GYS2: variants seen among roughly 807,000 people sequenced by gnomAD.
GYS2 encodes glycogen synthase 2.
GYS2 carries 80 observed loss-of-function variants against 85.6 expected under a neutral mutation model. The observed-to-expected ratio is 0.93, with a 90% CI of 0.78 to 1.13. GYS2 has a LOEUF of 1.13. Ranked by LOEUF, GYS2 falls within the 50% of genes most tolerant of loss-of-function variation. The pLI is 0.00. For synonymous variants in GYS2, 328 were observed against 300.7 expected, an observed-to-expected ratio of 1.09 and a Z score of -0.94; for missense variants, 881 against 854.9, an observed-to-expected ratio of 1.03 and a Z score of -0.38.
chr12:21,551,628 G>T (rs1944112155), intron 11 of GYS2, among the ~76,000 whole-genome samples: 1 of 152,068 alleles, frequency 6.6e-6, no homozygotes, highest in African/African-American at 2.4e-5. Flanking sequence ...TAAGAGATAA[G>T]TTAAACTTAA....
intron 8 of GYS2, 29 bp from the exon 9 acceptor site, chr12:21,559,739 A>G (rs752440766): frequency 1.5e-6 from 2 of 1,357,300 alleles, no homozygotes; most frequent in South Asian, 2.3e-5. Flanking sequence ...TTTATCATTT[A>G]AACAGTATGA....
intron 1 of GYS2, among the ~76,000 whole-genome samples, chr12:21,582,731 T>C (rs1428207816): frequency 1.3e-5 from 2 of 151,894 alleles, no homozygotes; most frequent in Admixed American, 1.3e-4. Flanking sequence ...AAGGATGGAG[T>C]TCTTTCATTG....
intron 1 of GYS2, among the ~76,000 whole-genome samples, chr12:21,593,085 G>A (rs1013468499): frequency 1.3e-5 from 2 of 151,894 alleles, no homozygotes; most frequent in Non-Finnish European, 2.9e-5. Context: ...TGAAACAAAT[G>A]AAAATTGAAA....
intron 1 of GYS2, among the ~76,000 whole-genome samples, chr12:21,589,510 T>C (rs1373901786): frequency 1.3e-5 from 2 of 151,870 alleles, no homozygotes; most frequent in Non-Finnish European, 2.9e-5. Flanking sequence ...AGAACCAAAA[T>C]AGTAAGTAGA....
In GYS2 at chr12:21,575,934, G is replaced by A. The variant is rs376712209; in HGVS notation, c.427C>T (p.Pro143Ser). The change falls in exon 3 of 16, where the codon CCT (proline) becomes TCT (serine). Residue 143 changes from proline to serine, a missense_variant. Physicochemically the swap from Pro to Ser is moderately conservative, Grantham distance 74. Coordinates refer to ENST00000261195, the MANE Select transcript of GYS2 (RefSeq NM_021957.4). ...TCATTGGCTTCTCGGTCATGATAAG[G>A]AATGCCGACACTGCATGCTTCCCAG... ...DLWEACSVGI[P>S]YHDREANDML... 1.2e-5 allele frequency: 19 copies of A among 1,613,834 alleles called. No individual in the cohort carries two copies. Among genetic ancestry groups the A allele is most frequent in the Non-Finnish European group, 1.6e-5 (19 of 1,179,814 alleles).
chr12:21,571,682 G>T (rs908181629), intron 4 of GYS2, among the ~76,000 whole-genome samples: 1 of 152,156 alleles, frequency 6.6e-6, no homozygotes, highest in Non-Finnish European at 1.5e-5. Context: ...GAAAAAAAAG[G>T]CCGGGAGTGG....
At chr12:21,554,976 G>C (rs944780675) in intron 11 of GYS2, among the ~76,000 whole-genome samples, 1 of 152,134 alleles carries the variant, frequency 6.6e-6, no homozygotes, top group Non-Finnish European at 1.5e-5. Flanking sequence ...CCAGCTGCAT[G>C]ACCCATCCCT....
At chr12:21,582,895 G>C (rs1316728344) in intron 1 of GYS2, among the ~76,000 whole-genome samples, 1 of 152,114 alleles carries the variant, frequency 6.6e-6, no homozygotes, top group East Asian at 1.9e-4. Context: ...TTGATTCAAC[G>C]CTTGTGAGAG....
intron 15 of GYS2, 120 bp from the exon 16 acceptor site, chr12:21,537,295 C>T: frequency 1.3e-6 from 1 of 742,676 alleles, no homozygotes; most frequent in Non-Finnish European, 2.4e-6. Context: ...AGTCTGGGTG[C>T]TATTAAACTT....
At chr12:21,558,045 C>T (rs1944204547) in intron 11 of GYS2, among the ~76,000 whole-genome samples, 155 bp downstream of exon 11, 1 of 152,122 alleles carries the variant, frequency 6.6e-6, no homozygotes, top group Admixed American at 6.5e-5. Flanking sequence ...ATTCATTATA[C>T]TTTAGTTATC....
At chr12:21,590,523 G>A (rs149840448) in intron 1 of GYS2, among the ~76,000 whole-genome samples, 1,962 of 152,196 alleles carry the variant, frequency 0.013, 27 homozygotes, top group Non-Finnish European at 0.021. Flanking sequence ...ACCAACACCA[G>A]TGCAGACTGC....
chr12:21,539,836 A>G (rs756161922), intron 14 of GYS2, among the ~76,000 whole-genome samples: 4 of 152,238 alleles, frequency 2.6e-5, no homozygotes, highest in African/African-American at 7.2e-5. Context: ...AGCAAATGGC[A>G]GCATCTCTCA....
intron 1 of GYS2, among the ~76,000 whole-genome samples, chr12:21,587,338 A>T (rs1389015314): frequency 1.3e-5 from 2 of 152,188 alleles, no homozygotes; most frequent in Non-Finnish European, 2.9e-5. Context: ...ATACAGCTTG[A>T]CTGTGTCCCC....
chr12:21,604,376 T>C (rs1480840479), intron 1 of GYS2, 96 bp downstream of exon 1: 3 of 808,776 alleles, frequency 3.7e-6, no homozygotes, highest in African/African-American at 1.7e-5. Flanking sequence ...TCACTAGCAA[T>C]TGGTTATCAC....
chr12:21,580,053 GAAT>G (rs1394241431), intron 2 of GYS2, among the ~76,000 whole-genome samples: 2 of 152,110 alleles, frequency 1.3e-5, no homozygotes, highest in East Asian at 3.9e-4. Context: ...CATTTCCACT[GAAT>G]AATTTTTAAC....
At chr12:21,542,661 G>A in intron 12 of GYS2, 70 bp from the exon 13 acceptor site, 1 of 943,122 alleles carries the variant, frequency 1.1e-6, no homozygotes, top group East Asian at 2.4e-5. Context: ...CTCAGAGGAG[G>A]AAAAGGCCCT....
Position 21,536,699 on chromosome 12 carries a change from T to C in GYS2, c.*255A>G. On this transcript the variant is annotated 3_prime_UTR_variant, in exon 16 of 16. Transcript: ENST00000261195. ...TAAATTCACCATTTTAAAAACACTT[T>C]TCCGTCTTCTGCCTTTAATGAGTGC... The C allele has an allele frequency of 2.0e-6, 1 of 502,500 alleles. No homozygotes were observed. The highest frequency in any genetic ancestry group is 3.6e-6 in the Non-Finnish European group (1 of 279,732). The allele number at this position is 502,500 out of a possible 1,614,324, so 31.1% of individuals were successfully genotyped here.
intron 1 of GYS2, among the ~76,000 whole-genome samples, chr12:21,593,838 T>C (rs1452395064): frequency 1.3e-5 from 2 of 152,072 alleles, no homozygotes; most frequent in Non-Finnish European, 1.5e-5. Context: ...ATATCCCTGA[T>C]GGAACATAGG....
intron 1 of GYS2, among the ~76,000 whole-genome samples, chr12:21,596,940 C>G (rs1358734178): frequency 6.6e-6 from 1 of 152,132 alleles, no homozygotes; most frequent in Non-Finnish European, 1.5e-5. Context: ...ATCAGTAACT[C>G]TTCTATACAC....
Sources: allele counts gnomAD v4.1 joint callset (sites outside exome capture counted in the v4.1 genomes callset), GRCh38; gene constraint gnomAD v4.1.1; transcripts MANE v1.5; gene names NCBI Gene and HGNC (gene_info 2026-07-23, HGNC 2026-07-21).